The following TPM3 variants were observed in gnomAD, a reference collection of about 807,000 sequenced individuals.
The protein encoded by TPM3 is tropomyosin alpha-3 chain.
In TPM3, 16 loss-of-function variants were observed where a neutral mutation model predicts 43.1. The ratio of observed to expected loss-of-function variants is 0.37; its 90% CI spans 0.25 to 0.56. TPM3 has a LOEUF of 0.56. Among genes scored for constraint, TPM3 ranks in the 20% least tolerant of loss-of-function variants. The pLI is 0.77. For missense variants in TPM3, 176 were observed against 337.2 expected, an observed-to-expected ratio of 0.52 and a Z score of 3.74; for synonymous variants, 101 against 116.9, an observed-to-expected ratio of 0.86 and a Z score of 0.88.
chr1:154,160,023 C>A (rs1660191528), downstream of TPM3, among the ~76,000 whole-genome samples: 1 of 132,304 alleles, frequency 7.6e-6, no homozygotes, highest in Admixed American at 8.1e-5. Context: ...ACAAATCAGG[C>A]TAAAGGACAA....
Position 154,166,615 on chromosome 1 carries a change from T to C in TPM3, c.*1322A>G. 2.9e-6 allele frequency: 3 copies of C among 1,044,324 alleles called. No homozygotes were observed. The highest frequency in any genetic ancestry group is 3.5e-6 in the Non-Finnish European group (3 of 866,176). 64.7% of individuals were successfully genotyped at this position (1,044,324 alleles called of 1,614,324 possible). On this transcript the variant is annotated 3_prime_UTR_variant, in exon 10 of 10. Transcript: ENST00000651641. ...ACTAAAGTACTAAGTGAACAACACT[T>C]ACGTGCTTGGATTAGTATAATTCAC...
chr1:154,187,418 G>A (rs967139566), intron 2 of TPM3: 1 of 984,584 alleles, frequency 1.0e-6, no homozygotes, highest in Non-Finnish European at 1.2e-6. Context: ...GCATATCTCT[G>A]AGGGTACTTT....
At chr1:154,170,891 T>C (rs1011604148) in intron 6 of TPM3, 180 bp from the exon 7 acceptor site, 7 of 618,602 alleles carry the variant, frequency 1.1e-5, no homozygotes, top group Admixed American at 8.4e-5. Flanking sequence ...TCTATGTCTT[T>C]AGAGCCATGA....
intron 5 of TPM3, chr1:154,172,345 G>C (rs1178455838): frequency 1.5e-6 from 1 of 681,284 alleles, no homozygotes; most frequent in Admixed American, 2.1e-5. Flanking sequence ...ACCGACGGGA[G>C]AGCAGTTAAT....
At chr1:154,187,548 T>C in intron 2 of TPM3, 2 of 978,642 alleles carry the variant, frequency 2.0e-6, no homozygotes, top group African/African-American at 3.6e-5. Flanking sequence ...TTCTTTCAAA[T>C]GAATATACTG....
At chr1:154,161,735 C>A (rs905752986), downstream of TPM3, among the ~76,000 whole-genome samples, 9 of 152,086 alleles carry the variant, frequency 5.9e-5, no homozygotes, top group African/African-American at 2.2e-4. Flanking sequence ...CCGCACCCAG[C>A]CGCGTTATCA....
downstream of TPM3, chr1:154,156,657 A>G (rs1659835965): frequency 5.1e-6 from 1 of 194,562 alleles, no homozygotes; most frequent in African/African-American, 2.3e-5. Flanking sequence ...AACCCAAAGC[A>G]AAGTTTCAAA....
downstream of TPM3, chr1:154,158,874 A>G (rs1558024751): frequency 2.6e-6 from 2 of 759,482 alleles, no homozygotes; most frequent in Non-Finnish European, 4.8e-6. Flanking sequence ...GGGCAAAATA[A>G]TAACTTTTAA....
rs1375538522 is a variant in TPM3 at position 154,174,374 on chromosome 1, A to G, written c.378-1173T>C. Among the ~76,000 whole-genome samples, 182 of 71,556 alleles carry G rather than the reference A, an allele frequency of 2.5e-3. 7 individuals are homozygous for G. The highest frequency in any genetic ancestry group is 6.5e-3 in the South Asian group (13 of 1,992). The allele number at this position is 71,556 out of a possible 152,430, so 46.9% of individuals were successfully genotyped here. ...ATATTATTTAAATATATGTGTATAT[A>G]TATATATATATATATATATATATAT... On this transcript the variant is annotated intron_variant, in intron 3 of 9. Coordinates refer to ENST00000651641, the MANE Select transcript of TPM3 (RefSeq NM_152263.4).
At chr1:154,173,904 C>T (rs993710962) in intron 3 of TPM3, among the ~76,000 whole-genome samples, 3 of 151,996 alleles carry the variant, frequency 2.0e-5, no homozygotes, top group Non-Finnish European at 2.9e-5. Context: ...CACTTGAACC[C>T]GGGAGGCAGA....
rs766890015 is a variant in TPM3 at position 154,167,890 on chromosome 1, C to T, written c.*47G>A. 195 of 1,613,638 alleles carry T rather than the reference C, an allele frequency of 1.2e-4. 1 individual carries two copies. The South Asian group carries it at 2.0e-3, about 16-fold the overall frequency. On this transcript the variant is annotated 3_prime_UTR_variant, in exon 10 of 10. Transcript: ENST00000651641. ...AGCGAGAGTGGGGCCTTGGGTTCCC[C>T]GAGGAGTAAAGGGGGCAGATCCAGA...
At chr1:154,170,867 T>C (rs1661499674) in intron 6 of TPM3, 156 bp from the exon 7 acceptor site, 4 of 647,316 alleles carry the variant, frequency 6.2e-6, no homozygotes, top group Non-Finnish European at 1.1e-5. Context: ...CAATAGGTCC[T>C]TGAAATTCAG....
At chr1:154,161,373 T>C (rs962354935), downstream of TPM3, among the ~76,000 whole-genome samples, 2 of 151,104 alleles carry the variant, frequency 1.3e-5, no homozygotes, top group Non-Finnish European at 2.9e-5. Flanking sequence ...TGAATTTAGA[T>C]AATACCTATA....
chr1:154,172,073 G>A, intron 5 of TPM3: 1 of 1,614,158 alleles, frequency 6.2e-7, no homozygotes, highest in Non-Finnish European at 8.5e-7. Context: ...TGGTCCATCA[G>A]TCTAATCTGC....
intron 2 of TPM3, among the ~76,000 whole-genome samples, 183 bp from the exon 3 acceptor site, chr1:154,176,431 T>C (rs542623227): frequency 1.3e-5 from 2 of 152,250 alleles, no homozygotes; most frequent in Admixed American, 1.3e-4. Flanking sequence ...ATTTCCTCCC[T>C]TTCCCATCAA....
chr1:154,159,828 C>CA (rs1230133045), downstream of TPM3, among the ~76,000 whole-genome samples: 2 of 151,978 alleles, frequency 1.3e-5, no homozygotes, highest in African/African-American at 4.8e-5. Context: ...CTCTTGCCTT[C>CA]AACATGGATG....
In TPM3 at chr1:154,165,490, T is replaced by C. The variant is rs1660840560; in HGVS notation, c.*2447A>G. Among the ~76,000 whole-genome samples, 1 of 151,698 alleles carries C rather than the reference T, an allele frequency of 6.6e-6. No homozygotes were observed. Among genetic ancestry groups the C allele is most frequent in the Non-Finnish European group, 1.5e-5 (1 of 67,946 alleles). ...TTTTGGAACCCAATAAAAATGAATA[T>C]GCAAGTTTAACATGTTGGCTGGGCG... On this transcript the variant is annotated 3_prime_UTR_variant, in exon 10 of 10. Transcript: ENST00000651641.
At chr1:154,188,391 C>T (rs1484947517) in intron 2 of TPM3, among the ~76,000 whole-genome samples, 1 of 151,602 alleles carries the variant, frequency 6.6e-6, no homozygotes, top group Non-Finnish European at 1.5e-5. Context: ...TTTGTGGCGG[C>T]CTGGCCGGGC....
At chr1:154,173,050 C>G in intron 4 of TPM3, 34 bp downstream of exon 4, 3 of 1,613,824 alleles carry the variant, frequency 1.9e-6, no homozygotes, top group Non-Finnish European at 2.5e-6. Flanking sequence ...TTGTAAAAGG[C>G]CGATACGAGA....
Sources: allele counts gnomAD v4.1 joint callset (sites outside exome capture counted in the v4.1 genomes callset), GRCh38; gene constraint gnomAD v4.1.1; transcripts MANE v1.5; gene names NCBI Gene and HGNC (gene_info 2026-07-23, HGNC 2026-07-21).